The following WWC2 variants were observed in gnomAD, a reference collection of about 807,000 sequenced individuals.
The protein encoded by WWC2 is WW and C2 domain containing 2.
WWC2 carries 101 observed loss-of-function variants against 138.5 expected under a neutral mutation model. The observed-to-expected ratio is 0.73, with a 90% CI of 0.62 to 0.86. The LOEUF (loss-of-function observed/expected upper bound fraction) is 0.86. Among genes scored for constraint, WWC2 ranks in the 40% least tolerant of loss-of-function variants. The probability of loss-of-function intolerance (pLI) is 0.00; values close to 1 mark genes in which losing one functional copy is unlikely to be tolerated. For synonymous variants in WWC2, 558 were observed against 538.4 expected, an observed-to-expected ratio of 1.04 and a Z score of -0.50; for missense variants, 1,420 against 1,419.4, an observed-to-expected ratio of 1.00 and a Z score of -0.01.
chr4:183,220,640 C>A (rs766873619), intron 4 of WWC2, among the ~76,000 whole-genome samples: 5 of 151,754 alleles, frequency 3.3e-5, no homozygotes, highest in Admixed American at 2.0e-4. Flanking sequence ...TGAGACCATC[C>A]TGGCTAACAC....
chr4:183,303,535 C>T (rs1366349807), intron 21 of WWC2, among the ~76,000 whole-genome samples: 1 of 152,182 alleles, frequency 6.6e-6, no homozygotes, highest in East Asian at 1.9e-4. Context: ...CGACAGTCCT[C>T]ACCGTGAATT....
chr4:183,219,655 G>A (rs1481387923), intron 4 of WWC2, among the ~76,000 whole-genome samples: 2 of 152,146 alleles, frequency 1.3e-5, no homozygotes, highest in African/African-American at 4.8e-5. Flanking sequence ...GCTGTCATAA[G>A]GCACTTTGAC....
chr4:183,236,164 A>G (rs1736417805), intron 4 of WWC2, among the ~76,000 whole-genome samples: 1 of 152,092 alleles, frequency 6.6e-6, no homozygotes, highest in Admixed American at 6.5e-5. Context: ...AGTTCACTGT[A>G]TATTTATGGA....
chr4:183,101,778 G>GC (rs1743188563), intron 1 of WWC2, among the ~76,000 whole-genome samples: 1 of 152,186 alleles, frequency 6.6e-6, no homozygotes, highest in Non-Finnish European at 1.5e-5. Flanking sequence ...GGATTCTTCT[G>GC]CAGGATCAAC....
In WWC2 at chr4:183,320,397, A is replaced by T. The variant is rs529086027; in HGVS notation, c.*4668A>T. The T allele has an allele frequency of 1.1e-4, 70 of 660,178 alleles. No individual in the cohort carries two copies. The African/African-American group carries it at 1.3e-3, about 12-fold the overall frequency. The allele number at this position is 660,178 out of a possible 1,614,324, so 40.9% of individuals were successfully genotyped here. A position where few individuals can be genotyped will look rare whatever the true frequency, so the allele number is the denominator to read the frequency against. On this transcript the variant is annotated 3_prime_UTR_variant, in exon 23 of 23. Transcript: ENST00000403733. ...CATGTTGAATGGGTTTCACAAAAGG[A>T]TAGGGAAATAATGCCGCCAACCAGT...
At chr4:183,266,430 T>C (rs1737507456) in intron 14 of WWC2, among the ~76,000 whole-genome samples, 1 of 152,234 alleles carries the variant, frequency 6.6e-6, no homozygotes. Flanking sequence ...CAGTGAGTTC[T>C]TAAAGTTATT....
At chr4:183,226,707 A>G (rs1316140741) in intron 4 of WWC2, among the ~76,000 whole-genome samples, 1 of 152,114 alleles carries the variant, frequency 6.6e-6, no homozygotes, top group Non-Finnish European at 1.5e-5. Flanking sequence ...AGGATTTCAC[A>G]AGAAGAGAAG....
At chr4:183,300,260 C>T (rs1267665712) in intron 21 of WWC2, among the ~76,000 whole-genome samples, 2 of 151,902 alleles carry the variant, frequency 1.3e-5, no homozygotes, top group Non-Finnish European at 2.9e-5. Context: ...TATCGTGATT[C>T]GTTGGGTGAG....
intron 4 of WWC2, among the ~76,000 whole-genome samples, chr4:183,230,971 C>G (rs186392011): frequency 1.4e-3 from 207 of 152,214 alleles, no homozygotes; most frequent in African/African-American, 4.8e-3. Context: ...CTGAATGGCT[C>G]TATTACCATG....
intron 1 of WWC2, among the ~76,000 whole-genome samples, chr4:183,107,962 C>T (rs1327563808): frequency 6.6e-6 from 1 of 151,990 alleles, no homozygotes; most frequent in East Asian, 1.9e-4. Flanking sequence ...TCTTCCTAAA[C>T]ACTCAGAGGG....
At chr4:183,230,284 A>C (rs149297663) in intron 4 of WWC2, among the ~76,000 whole-genome samples, 466 of 152,244 alleles carry the variant, frequency 3.1e-3, no homozygotes, top group Middle Eastern at 0.01. Context: ...AAAGCTTTAA[A>C]TGCTTGTACT....
At chr4:183,155,009 A>T (rs1225597023) in intron 1 of WWC2, among the ~76,000 whole-genome samples, 1 of 152,240 alleles carries the variant, frequency 6.6e-6, no homozygotes, top group Non-Finnish European at 1.5e-5. Context: ...GAATAAGCAC[A>T]TGCTAGCGTA....
intron 1 of WWC2, among the ~76,000 whole-genome samples, chr4:183,173,383 ATCTC>A (rs1246965132): frequency 2.0e-5 from 3 of 151,960 alleles, no homozygotes; most frequent in Admixed American, 2.0e-4. Context: ...AACCTGTTCT[ATCTC>A]TCTGAATATG....
chr4:183,306,405 C>T (rs1243045271), intron 21 of WWC2, among the ~76,000 whole-genome samples: 1 of 152,044 alleles, frequency 6.6e-6, no homozygotes, highest in Non-Finnish European at 1.5e-5. Context: ...ACATAAAACA[C>T]ATATGGACTA....
rs1560844027 is a variant in WWC2, at chr4:183,208,990, A to G, written c.487A>G (p.Ile163Val). The G allele has an allele frequency of 6.4e-7, 1 of 1,573,374 alleles. No homozygotes were observed. The change falls in exon 4 of 23, where the codon ATT becomes GTT. Residue 163 changes from isoleucine (I) to valine (V), a missense_variant. Coordinates refer to ENST00000403733, the MANE Select transcript of WWC2 (RefSeq NM_024949.6). ...ATCCAGTACTAAATATGATCCCGAT[A>G]TTTTAAAAGCTGAGATCTCCACTAC... ...SSSSTKYDPD[I>V]LKAEISTTRL... is the part of the protein sequence containing the mutation.
At chr4:183,170,616 T>G (rs2111162296) in intron 1 of WWC2, among the ~76,000 whole-genome samples, 1 of 152,346 alleles carries the variant, frequency 6.6e-6, no homozygotes, top group African/African-American at 2.4e-5. Context: ...TTTGCATTTC[T>G]GTTGATTTTC....
At chr4:183,290,709 A>C (rs184757786) in intron 21 of WWC2, among the ~76,000 whole-genome samples, 7 of 152,358 alleles carry the variant, frequency 4.6e-5, no homozygotes, top group African/African-American at 1.7e-4. Context: ...CATAGCTGAA[A>C]TACTAATATT....
chr4:183,287,898 T>A (rs1428488005), intron 20 of WWC2, among the ~76,000 whole-genome samples: 4 of 152,142 alleles, frequency 2.6e-5, no homozygotes, highest in Non-Finnish European at 2.9e-5. Context: ...GTAGGAGTAT[T>A]TACCACATAG....
intron 1 of WWC2, among the ~76,000 whole-genome samples, chr4:183,099,834 G>A (rs1018759176): frequency 1.4e-5 from 2 of 146,526 alleles, no homozygotes; most frequent in African/African-American, 5.0e-5. Context: ...CCGGGGACCC[G>A]GCCCCGAGGC....
Sources: allele counts gnomAD v4.1 joint callset (sites outside exome capture counted in the v4.1 genomes callset), GRCh38; gene constraint gnomAD v4.1.1; transcripts MANE v1.5; gene names NCBI Gene and HGNC (gene_info 2026-07-23, HGNC 2026-07-21).